Variants in PDIA5 observed in about 807,000 individuals in gnomAD.
PDIA5 encodes the protein protein disulfide-isomerase A5.
In PDIA5, 58 loss-of-function variants were observed where a neutral mutation model predicts 77.6. That is an observed-to-expected ratio of 0.75 (90% CI 0.61 to 0.93). The LOEUF is 0.93. PDIA5 is among the 40% of genes least tolerant of loss of function. The pLI, the probability that PDIA5 is intolerant of heterozygous loss-of-function variation, is 0.00. For synonymous variants in PDIA5, 250 were observed against 252.1 expected, an observed-to-expected ratio of 0.99 and a Z score of 0.08; for missense variants, 630 against 647.7, an observed-to-expected ratio of 0.97 and a Z score of 0.30.
At chr3:123,122,439 G>A (rs183339404) in intron 8 of PDIA5, among the ~76,000 whole-genome samples, 1 of 151,862 alleles carries the variant, frequency 6.6e-6, no homozygotes, top group Non-Finnish European at 1.5e-5. Flanking sequence ...CCTAAAATGG[G>A]CTAGGAAAAA....
chr3:123,085,861 A>G (rs150094471), intron 1 of PDIA5, among the ~76,000 whole-genome samples: 10 of 152,310 alleles, frequency 6.6e-5, no homozygotes, highest in African/African-American at 2.4e-4. Context: ...TTTCCAACAG[A>G]TTATTTTTTT....
At chr3:123,104,691 C>T (rs1172363696) in intron 5 of PDIA5, among the ~76,000 whole-genome samples, 2 of 152,230 alleles carry the variant, frequency 1.3e-5, no homozygotes, top group Non-Finnish European at 2.9e-5. Context: ...TCCCCAAATC[C>T]TTACTATAGA....
chr3:123,102,779 C>A lies in PDIA5; in HGVS notation c.370C>A (p.Arg124=). ...QDGAFHTEYN[R]AVTFKSIVAF... is the part of the protein sequence containing the mutation. ...TGGTGCATTTCATACTGAATATAAC[C>A]GAGCTGTGACATTTAAGGTAAATTT... The change falls in exon 5 of 17, where the codon CGA becomes AGA. Residue 124 remains arginine, a synonymous_variant. Transcript: ENST00000316218. The A allele has an allele frequency of 6.2e-6, 10 of 1,609,194 alleles. No homozygotes were observed. The highest frequency in any genetic ancestry group is 8.5e-6 in the Non-Finnish European group (10 of 1,175,428).
intron 11 of PDIA5, among the ~76,000 whole-genome samples, chr3:123,139,371 C>A (rs1326489400): frequency 2.6e-5 from 4 of 152,190 alleles, no homozygotes. Context: ...GAGGTGTTTT[C>A]TCAGCCAGAC....
chr3:123,089,249 C>A lies in PDIA5; in HGVS notation c.124C>A (p.Leu42Met). The stretch of plus-strand genomic sequence containing the variant: ...CTCTGACCCCAAGGACTTGAAAAAA[C>A]TGCTCAGAACCCGGAATAATGTACT... The part of the protein sequence containing the change: ...RISDPKDLKK[L>M]LRTRNNVLVL... Residue 42 changes from leucine to methionine, a missense_variant, in exon 2 of 17, where the codon CTG becomes ATG. Coordinates refer to ENST00000316218, the MANE Select transcript of PDIA5 (RefSeq NM_006810.4). 2 of 1,614,126 alleles carry A rather than the reference C, an allele frequency of 1.2e-6. No homozygotes were observed. The highest frequency in any genetic ancestry group is 1.7e-6 in the Non-Finnish European group (2 of 1,179,940).
At chr3:123,141,145 A>G (rs886869589) in intron 11 of PDIA5, among the ~76,000 whole-genome samples, 2 of 152,216 alleles carry the variant, frequency 1.3e-5, no homozygotes, top group African/African-American at 2.4e-5. Context: ...TTAGAAAGCA[A>G]CAGTGATTCT....
chr3:123,137,512 TG>T (rs1332283336), intron 11 of PDIA5, among the ~76,000 whole-genome samples: 1 of 152,244 alleles, frequency 6.6e-6, no homozygotes, highest in Non-Finnish European at 1.5e-5. Context: ...TTACATCCTT[TG>T]TAGCTGAGTA....
At chr3:123,129,447 T>C (rs368782760) in intron 10 of PDIA5, among the ~76,000 whole-genome samples, 3 of 152,320 alleles carry the variant, frequency 2.0e-5, no homozygotes, top group South Asian at 2.1e-4. Context: ...CAGAGTTCCA[T>C]TGTGTCAGCC....
chr3:123,148,667 C>T (rs187825785), intron 13 of PDIA5, among the ~76,000 whole-genome samples: 1 of 152,260 alleles, frequency 6.6e-6, no homozygotes, highest in East Asian at 1.9e-4. Flanking sequence ...CCAGCCTTTG[C>T]AGAATGCTCT....
chr3:123,146,246 G>A lies in PDIA5; in HGVS notation c.1129G>A (p.Glu377Lys), dbSNP rs576359115. ...GCTCAGGACAAAGAAGAAGTTTCTCGAGTGGATGCAAAAGTAAGTGTTACG... is the reference window on the plus strand; with the variant it reads ...GCTCAGGACAAAGAAGAAGTTTCTCAAGTGGATGCAAAAGTAAGTGTTACG... ...PVLRTKKKFL[E>K]WMQNPEAPPP... is the part of the protein sequence containing the mutation. The change falls in exon 13 of 17, where the codon GAG (glutamate) becomes AAG (lysine). Residue 377 changes from glutamate to lysine, a missense_variant. Transcript: ENST00000316218. The A allele has an allele frequency of 4.2e-5, 68 of 1,613,862 alleles. No homozygotes were observed. The highest frequency in any genetic ancestry group is 3.3e-4 in the South Asian group (30 of 90,998).
chr3:123,095,790 A>C (rs188897514), intron 3 of PDIA5, among the ~76,000 whole-genome samples: 1 of 150,346 alleles, frequency 6.7e-6, no homozygotes, highest in East Asian at 2.0e-4. Flanking sequence ...AGTGCAGTGG[A>C]ATTTGTAGGA....
intron 1 of PDIA5, among the ~76,000 whole-genome samples, chr3:123,080,921 C>T (rs1003140663): frequency 6.7e-6 from 1 of 149,182 alleles, no homozygotes; most frequent in Non-Finnish European, 1.5e-5. Flanking sequence ...GGCCCTTCCT[C>T]CCCATTGTCT....
In PDIA5 at chr3:123,150,384, A is replaced by C; in HGVS notation, c.1273+20A>C. On this transcript the variant is annotated intron_variant, in intron 14 of 16. Transcript: ENST00000316218. The stretch of plus-strand genomic sequence containing the variant: ...CCCCTTGTAAGTAGCTTGGGTGCTC[A>C]CTGAGTGGCACAGTAAGAGGGGTTT... The C allele has an allele frequency of 6.2e-7, 1 of 1,609,206 alleles. No homozygotes were observed. Among genetic ancestry groups the C allele is most frequent in the Non-Finnish European group, 8.5e-7 (1 of 1,177,628 alleles).
At chr3:123,079,250 G>T (rs967807085) in intron 1 of PDIA5, among the ~76,000 whole-genome samples, 1 of 137,036 alleles carries the variant, frequency 7.3e-6, no homozygotes, top group Admixed American at 9.1e-5. Context: ...GTGCGATCTC[G>T]GCTCACTGCA....
rs375067009 is a variant in PDIA5 at position 123,143,014 on chromosome 3, T to C, written c.911-2508T>C. Among the ~76,000 whole-genome samples the C allele has an allele frequency of 4.9e-4, 74 of 152,230 alleles. 2 individuals carry two copies. In the East Asian group the frequency reaches 5.2e-3, roughly 11 times the overall value. Reference sequence around the variant, plus strand: ...ATTGCTGACCAGTAAATATTTATCATGTATCTATTAAATGGTGATCCTTTT... The same window carrying C: ...ATTGCTGACCAGTAAATATTTATCACGTATCTATTAAATGGTGATCCTTTT... On this transcript the variant is annotated intron_variant, in intron 11 of 16. Transcript: ENST00000316218.
At chr3:123,145,284 C>T in intron 11 of PDIA5, 1 of 529,120 alleles carries the variant, frequency 1.9e-6, no homozygotes, top group Non-Finnish European at 3.3e-6. Context: ...GTACCTGGCA[C>T]ACCAGTTGCC....
chr3:123,118,989 G>A (rs965305329), intron 8 of PDIA5, among the ~76,000 whole-genome samples: 1 of 152,240 alleles, frequency 6.6e-6, no homozygotes, highest in Admixed American at 6.5e-5. Flanking sequence ...GGTGGTTCAT[G>A]CCTGTAATCC....
intron 6 of PDIA5, among the ~76,000 whole-genome samples, 158 bp downstream of exon 6, chr3:123,106,999 C>T (rs1035342462): frequency 6.6e-6 from 1 of 152,194 alleles, no homozygotes; most frequent in African/African-American, 2.4e-5. Context: ...ATATTTGACT[C>T]CCCTTCCCAG....
chr3:123,089,039 A>G, intron 1 of PDIA5, 129 bp from the exon 2 acceptor site: 1 of 778,092 alleles, frequency 1.3e-6, no homozygotes, highest in Non-Finnish European at 2.1e-6. Context: ...GGTGTGGTGC[A>G]TGAGATGTGT....
Sources: allele counts gnomAD v4.1 joint callset (sites outside exome capture counted in the v4.1 genomes callset), GRCh38; gene constraint gnomAD v4.1.1; transcripts MANE v1.5; gene names NCBI Gene and HGNC (gene_info 2026-07-23, HGNC 2026-07-21).